The following TBCD variants were observed in gnomAD, a reference collection of about 807,000 sequenced individuals.
The protein encoded by TBCD is tubulin folding cofactor D, also known as tubulin-specific chaperone D.
A neutral mutation model predicts 169.3 loss-of-function variants in TBCD; 105 were observed. The ratio of observed to expected loss-of-function variants is 0.62; its 90% CI spans 0.53 to 0.73. The LOEUF is 0.73. TBCD is among the 30% of genes least tolerant of loss of function. The pLI, the probability that TBCD is intolerant of heterozygous loss-of-function variation, is 0.00. For missense variants in TBCD, 1,444 were observed against 1,600.1 expected (o/e 0.90, Z 1.66); for synonymous variants, 700 against 643.9 (o/e 1.09, Z -1.32).
Position 82,800,922 on chromosome 17 carries a change from G to T in TBCD, c.876G>T (p.Leu292=). 1.9e-6 allele frequency: 3 copies of T among 1,612,334 alleles called. No individual in the cohort carries two copies. Among genetic ancestry groups the T allele is most frequent in the Non-Finnish European group, 2.5e-6 (3 of 1,179,434 alleles). The change falls in exon 9 of 39, where the codon CTG becomes CTT. Residue 292 remains leucine, a synonymous_variant. Coordinates refer to ENST00000355528, the MANE Select transcript of TBCD (RefSeq NM_005993.5). ...GCRLPESNQT[L]LRKLGVKLVQ... ...GACTCCCTGAGAGCAACCAGACCCT[G>T]CTGCGGAAGCTGGGGGTGAAGCTTG...
chr17:82,939,455 C>G lies in TBCD; in HGVS notation c.3458C>G (p.Thr1153Ser). 2 of 1,613,562 alleles carry G rather than the reference C, an allele frequency of 1.2e-6. No individual in the cohort carries two copies. The highest frequency in any genetic ancestry group is 1.7e-6 in the Non-Finnish European group (2 of 1,179,810). Residue 1153 changes from threonine (T) to serine (S), a missense_variant, in exon 37 of 39, where the codon ACT becomes AGT. Transcript: ENST00000355528. ...VGADVLDEVV[T>S]VLSDTAWDAE... is the part of the protein sequence containing the mutation. ...GCGGATGTGCTGGACGAGGTGGTGA[C>G]TGTGCTCAGTGACACTGCGTGGTGA...
chr17:82,845,991 C>T (rs1023637635), intron 13 of TBCD, among the ~76,000 whole-genome samples: 7 of 152,360 alleles, frequency 4.6e-5, no homozygotes, highest in East Asian at 1.9e-4. Context: ...CTGATTTTGA[C>T]GCGGCTGTAG....
chr17:82,927,634 T>TG (rs2147270084), intron 29 of TBCD, among the ~76,000 whole-genome samples: 1 of 152,066 alleles, frequency 6.6e-6, no homozygotes, highest in East Asian at 1.9e-4. Context: ...CAACATTTCT[T>TG]GCTGTAGTGG....
At chr17:82,755,433 T>C (rs1333987358) in intron 1 of TBCD, among the ~76,000 whole-genome samples, 1 of 152,216 alleles carries the variant, frequency 6.6e-6, no homozygotes, top group Admixed American at 6.5e-5. Flanking sequence ...CATTTCAAAA[T>C]ATGTCAAATA....
chr17:82,940,685 GT>G (rs1377222438), intron 37 of TBCD, among the ~76,000 whole-genome samples: 3 of 152,198 alleles, frequency 2.0e-5, no homozygotes, highest in Non-Finnish European at 4.4e-5. Context: ...CAGCTGGGCT[GT>G]CTTCTCAACA....
At position 82,880,594 on chromosome 17, in the gene TBCD, A is replaced by G. The variant is rs1055237036; in HGVS notation, c.1476-3551A>G. Among the ~76,000 whole-genome samples the G allele has an allele frequency of 6.6e-6, 1 of 152,212 alleles. No homozygotes were observed. The highest frequency in any genetic ancestry group is 1.5e-5 in the Non-Finnish European group (1 of 68,034). On this transcript the variant is annotated intron_variant, in intron 14 of 38. Transcript: ENST00000355528. The surrounding 1 kb of genome is among the most constrained non-coding windows in gnomAD (Gnocchi z 5.0). ...CTGCTGGATGCCCCAAGGATCTGGC[A>G]GGAGGAGGCATCCAGGCCCTCAGGG...
intron 17 of TBCD, among the ~76,000 whole-genome samples, chr17:82,899,232 C>T (rs1330263782): frequency 8.3e-5 from 12 of 144,448 alleles, no homozygotes; most frequent in East Asian, 2.0e-4. Context: ...GTGTCCTCAG[C>T]GCATGTCCTC....
Position 82,932,642 on chromosome 17 carries a change from C to T in TBCD, c.3114-16C>T, listed in dbSNP as rs768371053. On this transcript the variant is annotated splice_polypyrimidine_tract_variant and intron_variant, in intron 33 of 38. Transcript: ENST00000355528. ...GTTGCTGGTGTCCAGGGTCTCACAG[C>T]TCCTTCTCCCCTCAGGGTGTCCGTG... The T allele has an allele frequency of 6.8e-6, 11 of 1,610,988 alleles. No individual in the cohort carries two copies. Among genetic ancestry groups the T allele is most frequent in the South Asian group, 2.2e-5 (2 of 90,094 alleles).
chr17:82,850,037 TGTTGGCTGTGCTGTTGTTGGCTGTGC>T (rs1567887023), intron 13 of TBCD, among the ~76,000 whole-genome samples: 2 of 102,844 alleles, frequency 1.9e-5, no homozygotes, highest in African/African-American at 7.7e-5. Context: ...GCTGTGCTGT[TGTTGGCTGTGCTGTTGTTGGCTGTGC>T]TGCTGTTGGC....
Position 82,930,389 on chromosome 17 carries a change from G to GC in TBCD, c.2992-133_2992-132insC. 1 of 1,351,102 alleles carries GC rather than the reference G, an allele frequency of 7.4e-7. No individual in the cohort carries two copies. The highest frequency in any genetic ancestry group is 2.5e-5 in the East Asian group (1 of 39,554). The allele number at this position is 1,351,102 out of a possible 1,614,324, so 83.7% of individuals were successfully genotyped here. A position where few individuals can be genotyped will look rare whatever the true frequency, so the allele number is the denominator to read the frequency against. The stretch of plus-strand genomic sequence containing the variant: ...GTGCTGGCGTCCGCACCAGCCGCTT[G>GC]GGGCCAGACCTTCGCGTCTCTGCAG... On this transcript the variant is annotated intron_variant, in intron 32 of 38. Coordinates refer to ENST00000355528, the MANE Select transcript of TBCD (RefSeq NM_005993.5). The surrounding 1 kb of genome is among the most constrained non-coding windows in gnomAD (Gnocchi z 5.2).
rs1250296944 is a variant in TBCD, at chr17:82,941,417, G to A, written c.3498G>A (p.Val1166=). The A allele has an allele frequency of 1.9e-6, 3 of 1,598,610 alleles. No individual in the cohort carries two copies. Among genetic ancestry groups the A allele is most frequent in the Non-Finnish European group, 1.7e-6 (2 of 1,175,920 alleles). ...CTCACAGGGACGCGGAGCTTGCAGT[G>A]GTGAGAGAGCAGCGCAACCGTCTGT... ...SDTAWDAELA[V]VREQRNRLCD... The change falls in exon 38 of 39, where the codon GTG becomes GTA. Residue 1166 remains valine (V), a synonymous_variant. Coordinates refer to ENST00000355528, the MANE Select transcript of TBCD (RefSeq NM_005993.5).
At chr17:82,934,368 CACTG>C (rs1206227413) in intron 34 of TBCD, among the ~76,000 whole-genome samples, 2 of 119,170 alleles carry the variant, frequency 1.7e-5, no homozygotes, top group African/African-American at 5.8e-5. Context: ...AATGGGGCAT[CACTG>C]ACTGACCTTC....
intron 13 of TBCD, among the ~76,000 whole-genome samples, chr17:82,862,360 A>G (rs2145831518): frequency 6.6e-6 from 1 of 151,164 alleles, no homozygotes; most frequent in Admixed American, 6.6e-5. Context: ...GGTCAGGAGA[A>G]GCCTCTCGGC....
intron 27 of TBCD, 135 bp downstream of exon 27, chr17:82,925,192 C>T (rs1047901218): frequency 2.1e-5 from 15 of 725,980 alleles, no homozygotes; most frequent in Non-Finnish European, 2.9e-5. Flanking sequence ...TGGAAACCGG[C>T]ACCTGTGGCC....
chr17:82,911,967 AGAGATTGAGAGATT>A (rs1389898791), intron 23 of TBCD, among the ~76,000 whole-genome samples, 178 bp downstream of exon 23: 7 of 152,096 alleles, frequency 4.6e-5, no homozygotes, highest in South Asian at 2.1e-4. Flanking sequence ...CCTACGAGGG[AGAGATTGAGAGATT>A]GAGATTGAGA....
chr17:82,918,619 C>T lies in TBCD; in HGVS notation c.2039-1937C>T, dbSNP rs1049996982. ...TCCTGTGCGAGATGTGGGTACAAGC[C>T]TTTTCATGTCTACCACTGAGTCCCG... On this transcript the variant is annotated intron_variant, in intron 23 of 38. Coordinates refer to ENST00000355528, the MANE Select transcript of TBCD (RefSeq NM_005993.5). The T allele has an allele frequency of 2.0e-5, 3 of 152,160 alleles. No individual in the cohort carries two copies. In the East Asian group the frequency reaches 5.8e-4, roughly 29 times the overall value. The allele number at this position is 152,160 out of a possible 1,614,324, so 9.4% of individuals were successfully genotyped here.
At chr17:82,891,117 C>T (rs969579735) in intron 16 of TBCD, among the ~76,000 whole-genome samples, 29 of 152,224 alleles carry the variant, frequency 1.9e-4, no homozygotes, top group African/African-American at 5.8e-4. Flanking sequence ...GTTCCGGGTT[C>T]CCAGATGCTG....
intron 29 of TBCD, 46 bp downstream of exon 29, chr17:82,927,369 T>C: frequency 1.3e-6 from 2 of 1,585,110 alleles, no homozygotes; most frequent in Non-Finnish European, 1.7e-6. Context: ...GAAGCCCATC[T>C]ATTCCGTGGA....
chr17:82,824,223 C>T (rs949454529), intron 13 of TBCD, among the ~76,000 whole-genome samples: 1 of 151,780 alleles, frequency 6.6e-6, no homozygotes, highest in Non-Finnish European at 1.5e-5. Context: ...GCTCTATCAC[C>T]CAGGCTGGAG....
Sources: gnomAD v4.1 joint callset for allele counts (sites outside exome capture counted in the v4.1 genomes callset) on GRCh38, gnomAD v4.1.1 for gene constraint, Gnocchi (gnomAD v3.1) non-coding constraint, MANE v1.5 for transcripts, NCBI Gene and HGNC (gene_info 2026-07-23, HGNC 2026-07-21) for gene names.